MTREX: variants seen among roughly 807,000 people sequenced by gnomAD.
MTREX encodes the protein Mtr4 exosome RNA helicase.
In MTREX, 76 loss-of-function variants were observed where a neutral mutation model predicts 135.4. The ratio of observed to expected loss-of-function variants is 0.56; its 90% CI spans 0.47 to 0.68. The LOEUF is 0.68. Among genes scored for constraint, MTREX ranks in the 30% least tolerant of loss-of-function variants. MTREX has a pLI of 0.00. For synonymous variants in MTREX, 404 were observed against 401.6 expected, an observed-to-expected ratio of 1.01 and a Z score of -0.07; for missense variants, 920 against 1,262.1, an observed-to-expected ratio of 0.73 and a Z score of 4.11.
At chr5:55,326,447 G>A (rs1359909703) in intron 3 of MTREX, among the ~76,000 whole-genome samples, 2 of 151,996 alleles carry the variant, frequency 1.3e-5, no homozygotes, top group Non-Finnish European at 2.9e-5. Flanking sequence ...TCTATTCTCA[G>A]GAGGTCAAAA....
At chr5:55,359,167 A>C (rs1175412471) in intron 15 of MTREX, among the ~76,000 whole-genome samples, 1 of 152,224 alleles carries the variant, frequency 6.6e-6, no homozygotes, top group Non-Finnish European at 1.5e-5. Flanking sequence ...TATCCCAATC[A>C]AAAAGGACAC....
chr5:55,366,579 T>C, intron 15 of MTREX, 146 bp from the exon 16 acceptor site: 1 of 555,276 alleles, frequency 1.8e-6, no homozygotes, highest in Non-Finnish European at 2.9e-6. Flanking sequence ...GTGGTTTTAT[T>C]TTATATTGGT....
At chr5:55,395,525 G>A (rs2111580904) in intron 19 of MTREX, among the ~76,000 whole-genome samples, 1 of 152,284 alleles carries the variant, frequency 6.6e-6, no homozygotes, top group Non-Finnish European at 1.5e-5. Context: ...CAAACTGAAA[G>A]TTTAATGAAG....
At chr5:55,413,915 A>C (rs1750926120) in intron 23 of MTREX, among the ~76,000 whole-genome samples, 1 of 152,214 alleles carries the variant, frequency 6.6e-6, no homozygotes, top group African/African-American at 2.4e-5. Context: ...ATGTAATCAC[A>C]AAAAGGAGCT....
chr5:55,398,434 A>AT (rs1750677305), intron 20 of MTREX, among the ~76,000 whole-genome samples: 1 of 152,142 alleles, frequency 6.6e-6, no homozygotes, highest in Admixed American at 6.5e-5. Flanking sequence ...GAAATGAGTG[A>AT]TTCTCTGACA....
intron 10 of MTREX, among the ~76,000 whole-genome samples, chr5:55,346,130 T>C (rs946064730): frequency 2.0e-5 from 3 of 152,252 alleles, no homozygotes; most frequent in African/African-American, 7.2e-5. Context: ...TTGATGCATG[T>C]ACTATTTAAT....
chr5:55,316,320 A>G (rs1749197567), intron 1 of MTREX, among the ~76,000 whole-genome samples: 1 of 152,192 alleles, frequency 6.6e-6, no homozygotes, highest in African/African-American at 2.4e-5. Flanking sequence ...AAAAATGGGC[A>G]GAGACACAAC....
intron 20 of MTREX, among the ~76,000 whole-genome samples, chr5:55,399,291 G>A (rs112686550): frequency 4.4e-4 from 67 of 152,194 alleles, no homozygotes; most frequent in African/African-American, 1.5e-3. Flanking sequence ...CACTCTTAAT[G>A]TGTTTCTCCT....
chr5:55,390,491 T>C (rs557079167), intron 19 of MTREX, among the ~76,000 whole-genome samples: 2 of 152,344 alleles, frequency 1.3e-5, no homozygotes, highest in South Asian at 4.1e-4. Flanking sequence ...TGTGTGTGTC[T>C]GTGTGTAGAG....
At chr5:55,361,830 G>A (rs1750015859) in intron 15 of MTREX, among the ~76,000 whole-genome samples, 1 of 151,546 alleles carries the variant, frequency 6.6e-6, no homozygotes, top group Non-Finnish European at 1.5e-5. Flanking sequence ...TGGGCTCAAG[G>A]GATCCTCCTG....
At chr5:55,407,232 T>C (rs1750821848) in intron 22 of MTREX, among the ~76,000 whole-genome samples, 1 of 152,194 alleles carries the variant, frequency 6.6e-6, no homozygotes, top group East Asian at 1.9e-4. Flanking sequence ...ACCAGGAGAC[T>C]GTGGTGAACA....
chr5:55,318,620 G>A (rs1749237241), intron 1 of MTREX, among the ~76,000 whole-genome samples: 1 of 152,160 alleles, frequency 6.6e-6, no homozygotes, highest in Non-Finnish European at 1.5e-5. Flanking sequence ...CTACTTGGAG[G>A]GAGGGTGGAA....
intron 18 of MTREX, among the ~76,000 whole-genome samples, chr5:55,386,030 A>ATTTTTTTTT (rs1750473385): frequency 1.3e-5 from 2 of 152,184 alleles, no homozygotes; most frequent in South Asian, 4.1e-4. Context: ...TGTGAAGTAC[A>ATTTTTTTTT]TTTTTATTAA....
chr5:55,374,742 C>A (rs539802080), intron 16 of MTREX, among the ~76,000 whole-genome samples: 92 of 152,292 alleles, frequency 6.0e-4, no homozygotes, highest in African/African-American at 2.0e-3. Flanking sequence ...ATATATTTAA[C>A]CCTTTTATCA....
Position 55,410,485 on chromosome 5 carries a change from T to C in MTREX, c.2646-39T>C, listed in dbSNP as rs1307966228. On this transcript the variant is annotated intron_variant, in intron 22 of 26. Transcript: ENST00000230640. ...GCATATGTGTGTGCATGTGTGTCTT[T>C]ATATTCTGACATTTTATTCTTTTGT... 4 of 1,050,376 alleles carry C rather than the reference T, an allele frequency of 3.8e-6. No homozygotes were observed. In the African/African-American group the frequency reaches 5.6e-5, roughly 15 times the overall value. 65.1% of individuals were successfully genotyped at this position (1,050,376 alleles called of 1,614,324 possible). A position where few individuals can be genotyped will look rare whatever the true frequency, so the allele number is the denominator to read the frequency against.
intron 22 of MTREX, among the ~76,000 whole-genome samples, chr5:55,408,302 T>C (rs1327997263): frequency 6.6e-6 from 1 of 152,176 alleles, no homozygotes; most frequent in Non-Finnish European, 1.5e-5. Context: ...GGTTTTAGGC[T>C]CCTCACCTTT....
intron 19 of MTREX, among the ~76,000 whole-genome samples, chr5:55,395,891 G>A (rs768246930): frequency 2.5e-4 from 38 of 152,228 alleles, no homozygotes; most frequent in Non-Finnish European, 4.7e-4. Context: ...ATCAATGCAT[G>A]ATCCTAGTTT....
intron 14 of MTREX, among the ~76,000 whole-genome samples, chr5:55,354,130 G>T (rs2112073016): frequency 6.6e-6 from 1 of 152,282 alleles, no homozygotes; most frequent in East Asian, 1.9e-4. Flanking sequence ...GAACTCTGTA[G>T]GTGACTGGGA....
chr5:55,364,991 C>A (rs1434976980), intron 15 of MTREX, among the ~76,000 whole-genome samples: 3 of 152,176 alleles, frequency 2.0e-5, no homozygotes, highest in Non-Finnish European at 4.4e-5. Flanking sequence ...TTAGTCATTA[C>A]ACTGGTACAG....
Sources: gnomAD v4.1 joint callset for allele counts (sites outside exome capture counted in the v4.1 genomes callset) on GRCh38, gnomAD v4.1.1 for gene constraint, MANE v1.5 for transcripts, NCBI Gene and HGNC (gene_info 2026-07-23, HGNC 2026-07-21) for gene names.